Variants in CD226 observed in about 807,000 individuals in gnomAD.
CD226 encodes CD226 antigen.
CD226 carries 24 observed loss-of-function variants against 34.9 expected under a neutral mutation model. That is an observed-to-expected ratio of 0.69 (90% CI 0.50 to 0.97). The LOEUF is 0.97. CD226 is among the 50% of genes least tolerant of loss of function. The probability of loss-of-function intolerance (pLI) is 0.00; values close to 1 mark genes in which losing one functional copy is unlikely to be tolerated. For synonymous variants in CD226, 148 were observed against 147.4 expected, an observed-to-expected ratio of 1.00 and a Z score of -0.03; for missense variants, 397 against 412.7, an observed-to-expected ratio of 0.96 and a Z score of 0.33.
rs1982651436 is a variant in CD226 at position 69,857,692 on chromosome 18, C to G, written c.*6622G>C. The G allele has an allele frequency of 6.6e-6, 1 of 152,110 alleles. No homozygotes were observed. The highest frequency in any genetic ancestry group is 2.4e-5 in the African/African-American group (1 of 41,434). The allele number at this position is 152,110 out of a possible 1,614,324, so 9.4% of individuals were successfully genotyped here. A position where few individuals can be genotyped will look rare whatever the true frequency, so the allele number is the denominator to read the frequency against. ...GGCTGGGCAATACAACACAAGGCTT[C>G]CTTTTCAGGAATTTGGAGAACTTAT... On this transcript the variant is annotated 3_prime_UTR_variant, in exon 6 of 6. Transcript: ENST00000582621.
intron 2 of CD226, among the ~76,000 whole-genome samples, chr18:69,941,261 C>G (rs1457467513): frequency 1.3e-5 from 2 of 152,244 alleles, no homozygotes; most frequent in South Asian, 2.1e-4. Context: ...AGAATCCCCA[C>G]TGGGGCACTG....
At chr18:69,925,074 G>A (rs761337448) in intron 2 of CD226, among the ~76,000 whole-genome samples, 19 of 152,230 alleles carry the variant, frequency 1.2e-4, no homozygotes, top group African/African-American at 3.4e-4. Flanking sequence ...CGTTCTCACC[G>A]GGAACAAAAA....
chr18:69,868,060 A>T lies in CD226; in HGVS notation c.831-649T>A, dbSNP rs1415300993. The stretch of plus-strand genomic sequence containing the variant: ...TCACTTCGCCGTGACTGAAAGGACC[A>T]TCTGCAACCACAGTATTCAATAAAC... On this transcript the variant is annotated intron_variant, in intron 4 of 5. Transcript: ENST00000582621. Among the ~76,000 whole-genome samples the T allele has an allele frequency of 3.9e-5, 6 of 152,184 alleles. No individual in the cohort carries two copies. In the East Asian group the frequency reaches 7.7e-4, roughly 20 times the overall value.
At chr18:69,901,772 A>G (rs573264553) in intron 2 of CD226, among the ~76,000 whole-genome samples, 80 of 151,990 alleles carry the variant, frequency 5.3e-4, no homozygotes, top group Admixed American at 1.4e-3. Context: ...CCAGCTACTC[A>G]GGAGGCTGAG....
At chr18:69,953,139 C>T (rs2055868132) in intron 1 of CD226, among the ~76,000 whole-genome samples, 1 of 152,186 alleles carries the variant, frequency 6.6e-6, no homozygotes, top group African/African-American at 2.4e-5. Context: ...TAAAATGATG[C>T]AGCTGCTGTG....
At chr18:69,875,321 A>T (rs1983798129) in intron 3 of CD226, among the ~76,000 whole-genome samples, 1 of 152,020 alleles carries the variant, frequency 6.6e-6, no homozygotes, top group Non-Finnish European at 1.5e-5. Context: ...TATTTTTAGT[A>T]GAGATGGGGT....
chr18:69,896,737 C>T (rs1000847505), intron 2 of CD226, among the ~76,000 whole-genome samples: 4 of 152,092 alleles, frequency 2.6e-5, no homozygotes, highest in African/African-American at 9.7e-5. Context: ...CCTACAGTAT[C>T]AAATGTTCAG....
At chr18:69,947,279 A>G in intron 1 of CD226, 82 bp downstream of exon 1, 1 of 978,654 alleles carries the variant, frequency 1.0e-6, no homozygotes, top group Non-Finnish European at 1.6e-6. Flanking sequence ...ACTAAAGAGC[A>G]CTGTAAATTC....
upstream of CD226, among the ~76,000 whole-genome samples, chr18:69,961,415 C>G (rs897015004): frequency 6.6e-6 from 1 of 152,190 alleles, no homozygotes; most frequent in South Asian, 2.1e-4. Flanking sequence ...TCATGAGGCA[C>G]TTATTGACGG....
At chr18:69,906,020 T>G (rs933912794) in intron 2 of CD226, among the ~76,000 whole-genome samples, 1 of 152,242 alleles carries the variant, frequency 6.6e-6, no homozygotes, top group Non-Finnish European at 1.5e-5. Context: ...TTCAATTTCC[T>G]TCCTCTTCTC....
intron 2 of CD226, among the ~76,000 whole-genome samples, chr18:69,928,992 A>T (rs1024756505): frequency 3.3e-5 from 5 of 152,238 alleles, no homozygotes; most frequent in African/African-American, 1.2e-4. Flanking sequence ...GTAAGAATCA[A>T]GATTAACCAC....
At chr18:69,904,865 C>T (rs2055232513) in intron 2 of CD226, among the ~76,000 whole-genome samples, 1 of 152,162 alleles carries the variant, frequency 6.6e-6, no homozygotes, top group South Asian at 2.1e-4. Flanking sequence ...AGGTTTTTAA[C>T]AGAAAAAGAC....
intron 2 of CD226, among the ~76,000 whole-genome samples, chr18:69,911,862 G>A (rs1474141338): frequency 6.6e-6 from 1 of 152,156 alleles, no homozygotes; most frequent in African/African-American, 2.4e-5. Context: ...ATGTGTGTGT[G>A]TATTACTAAT....
intron 3 of CD226, among the ~76,000 whole-genome samples, chr18:69,889,016 T>C (rs950040023): frequency 3.3e-5 from 5 of 152,072 alleles, no homozygotes; most frequent in African/African-American, 1.2e-4. Context: ...ACAAATTAAC[T>C]GACCGGTTGC....
At chr18:69,921,678 T>C (rs985831542) in intron 2 of CD226, among the ~76,000 whole-genome samples, 1 of 152,170 alleles carries the variant, frequency 6.6e-6, no homozygotes, top group African/African-American at 2.4e-5. Context: ...CTTAAATCAC[T>C]TGTCTCCTTG....
In CD226 at chr18:69,861,554, G is replaced by GTGTATATATATATATATATATATA. The variant is rs59216052; in HGVS notation, c.*2759_*2760insTATATATATATATATATATATACA. On this transcript the variant is annotated 3_prime_UTR_variant, in exon 6 of 6. Transcript: ENST00000582621. Reference sequence around the variant, plus strand: ...ATAAATTATATGTGTATATATATATGTATATATATATATATATATGTAAAA... The same window carrying GTGTATATATATATATATATATATA: ...ATAAATTATATGTGTATATATATATGTGTATATATATATATATATATATATATATATATATATATATATGTAAAA... The GTGTATATATATATATATATATATA allele has an allele frequency of 4.8e-4, 62 of 127,940 alleles. No individual in the cohort carries two copies. In the East Asian group the frequency reaches 5.0e-3, roughly 10 times the overall value. 7.9% of individuals were successfully genotyped at this position (127,940 alleles called of 1,614,324 possible). A position where few individuals can be genotyped will look rare whatever the true frequency, so the allele number is the denominator to read the frequency against.
At chr18:69,890,040 G>T (rs17802023) in intron 3 of CD226, among the ~76,000 whole-genome samples, 30,064 of 152,138 alleles carry the variant, frequency 0.2, 3,631 homozygotes, top group Middle Eastern at 0.38. Flanking sequence ...CACTGTAGTT[G>T]ATCTTTTGAA....
At chr18:69,906,831 C>T (rs190042339) in intron 2 of CD226, among the ~76,000 whole-genome samples, 8 of 152,152 alleles carry the variant, frequency 5.3e-5, no homozygotes, top group Non-Finnish European at 1.0e-4. Context: ...GAGCAGGAGC[C>T]GGGCTTGACT....
At chr18:69,883,488 G>C (rs1168970682) in intron 3 of CD226, among the ~76,000 whole-genome samples, 1 of 152,204 alleles carries the variant, frequency 6.6e-6, no homozygotes, top group African/African-American at 2.4e-5. Flanking sequence ...CAAAGCGCAA[G>C]ACTTGGTGCT....
Sources: gnomAD v4.1 joint callset for allele counts (sites outside exome capture counted in the v4.1 genomes callset) on GRCh38, gnomAD v4.1.1 for gene constraint, MANE v1.5 for transcripts, NCBI Gene and HGNC (gene_info 2026-07-23, HGNC 2026-07-21) for gene names.